TMEM39B: variants seen among roughly 807,000 people sequenced by gnomAD.
TMEM39B encodes transmembrane protein 39B.
TMEM39B carries 23 observed loss-of-function variants against 52.2 expected under a neutral mutation model. The observed-to-expected ratio is 0.44, with a 90% CI of 0.32 to 0.62. TMEM39B has a LOEUF of 0.62. TMEM39B is among the 20% of genes least tolerant of loss of function. The pLI is 0.06. For missense variants in TMEM39B, 547 were observed against 642.0 expected (o/e 0.85, Z 1.60); for synonymous variants, 285 against 264.0 (o/e 1.08, Z -0.77).
chr1:32,084,924 A>G (rs1640277871), intron 5 of TMEM39B, among the ~76,000 whole-genome samples: 1 of 152,072 alleles, frequency 6.6e-6, no homozygotes, highest in Admixed American at 6.6e-5. Context: ...TTATTATTCC[A>G]TTGTCTCTAG....
chr1:32,080,746 C>T (rs191066078), intron 5 of TMEM39B, among the ~76,000 whole-genome samples: 1 of 150,914 alleles, frequency 6.6e-6, no homozygotes, highest in Admixed American at 6.6e-5. Context: ...ATCTTTTCTT[C>T]ATGGATGCAG....
At chr1:32,093,682 G>C (rs1640697658) in intron 6 of TMEM39B, among the ~76,000 whole-genome samples, 1 of 151,432 alleles carries the variant, frequency 6.6e-6, no homozygotes, top group Non-Finnish European at 1.5e-5. Context: ...AAAGTGCTGA[G>C]GTTACAGGCG....
chr1:32,084,364 T>C (rs1640247717), intron 5 of TMEM39B, among the ~76,000 whole-genome samples: 1 of 152,090 alleles, frequency 6.6e-6, no homozygotes, highest in African/African-American at 2.4e-5. Flanking sequence ...GCCTGGGACT[T>C]CCCTTTGCTG....
At chr1:32,077,485 C>T (rs908604276) in intron 5 of TMEM39B, among the ~76,000 whole-genome samples, 167 bp downstream of exon 5, 1 of 152,088 alleles carries the variant, frequency 6.6e-6, no homozygotes, top group Admixed American at 6.6e-5. Flanking sequence ...GATAATTAGC[C>T]TTTTTTTGCA....
chr1:32,078,548 A>G (rs79522249), intron 5 of TMEM39B, among the ~76,000 whole-genome samples: 1,631 of 152,308 alleles, frequency 0.011, 26 homozygotes, highest in African/African-American at 0.037. Flanking sequence ...TTTAACATGG[A>G]AAAAGAAAGT....
intron 3 of TMEM39B, chr1:32,076,309 C>T (rs1199751241): frequency 3.6e-6 from 1 of 279,090 alleles, no homozygotes; most frequent in Non-Finnish European, 7.2e-6. Flanking sequence ...CAGGGTTTCA[C>T]CATGTTGGTC....
chr1:32,076,905 G>T, intron 4 of TMEM39B, 59 bp downstream of exon 4: 1 of 1,574,906 alleles, frequency 6.3e-7, no homozygotes, highest in Non-Finnish European at 8.7e-7. Flanking sequence ...CCCTGGGGAT[G>T]CCAAGGAAAC....
At chr1:32,084,392 C>G (rs1185096452) in intron 5 of TMEM39B, among the ~76,000 whole-genome samples, 1 of 152,076 alleles carries the variant, frequency 6.6e-6, no homozygotes, top group East Asian at 1.9e-4. Flanking sequence ...GGGTTGGACC[C>G]CCTGCTTCCT....
intron 6 of TMEM39B, among the ~76,000 whole-genome samples, chr1:32,094,278 C>T (rs1640729071): frequency 6.6e-6 from 1 of 151,532 alleles, no homozygotes; most frequent in Non-Finnish European, 1.5e-5. Context: ...AGGCACACGC[C>T]ACCACGCCCG....
At position 32,094,725 on chromosome 1, in the gene TMEM39B, G is replaced by T. The variant is rs973884503; in HGVS notation, c.928-59G>T. 7 of 1,585,786 alleles carry T rather than the reference G, an allele frequency of 4.4e-6. No homozygotes were observed. In the African/African-American group the frequency reaches 5.4e-5, roughly 12 times the overall value. On this transcript the variant is annotated intron_variant, in intron 6 of 8. Transcript: ENST00000336294. ...TCTCAGTCAGGTAGAATCAGGGAAG[G>T]AAAGGGAATGAGGCCATTATGGGGA...
chr1:32,102,346 C>T, intron 8 of TMEM39B, 85 bp from the exon 9 acceptor site: 1 of 1,547,992 alleles, frequency 6.5e-7, no homozygotes, highest in Non-Finnish European at 8.7e-7. Context: ...GAGGCTGTCC[C>T]CTTCACTGGC....
At chr1:32,092,513 CAG>C (rs1349283004) in intron 6 of TMEM39B, among the ~76,000 whole-genome samples, 2 of 151,530 alleles carry the variant, frequency 1.3e-5, no homozygotes, top group African/African-American at 2.4e-5. Flanking sequence ...TTTTTTGAGA[CAG>C]AGTCTCATTC....
At chr1:32,084,810 C>T (rs185360177) in intron 5 of TMEM39B, among the ~76,000 whole-genome samples, 208 of 152,254 alleles carry the variant, frequency 1.4e-3, no homozygotes, top group Admixed American at 3.0e-3. Flanking sequence ...TCGTGACCCA[C>T]CCACCTCAGC....
chr1:32,073,650 T>A, intron 1 of TMEM39B: 1 of 985,740 alleles, frequency 1.0e-6, no homozygotes, highest in Non-Finnish European at 1.2e-6. Flanking sequence ...TTGTGTGGGA[T>A]TTTCTAAGCC....
At chr1:32,096,954 C>T (rs1256483397) in intron 7 of TMEM39B, among the ~76,000 whole-genome samples, 1 of 152,082 alleles carries the variant, frequency 6.6e-6, no homozygotes, top group Non-Finnish European at 1.5e-5. Context: ...CAGGCGCATG[C>T]CACCACATCC....
chr1:32,084,662 C>T (rs144661270), intron 5 of TMEM39B, among the ~76,000 whole-genome samples: 63 of 152,116 alleles, frequency 4.1e-4, no homozygotes, highest in African/African-American at 1.4e-3. Context: ...CTCCGCCTCC[C>T]GAGTTCAAGT....
At chr1:32,079,050 G>T (rs188610168) in intron 5 of TMEM39B, among the ~76,000 whole-genome samples, 1 of 151,494 alleles carries the variant, frequency 6.6e-6, no homozygotes, top group Non-Finnish European at 1.5e-5. Context: ...CAATACATAC[G>T]GGTCTGTCTC....
At chr1:32,075,910 C>T in intron 3 of TMEM39B, 88 bp downstream of exon 3, 1 of 909,466 alleles carries the variant, frequency 1.1e-6, no homozygotes, top group South Asian at 1.7e-5. Flanking sequence ...TTCAGTTTAG[C>T]ATATCCTACT....
upstream of TMEM39B, among the ~76,000 whole-genome samples, chr1:32,072,724 T>TG (rs1268734481): frequency 6.6e-6 from 1 of 152,158 alleles, no homozygotes; most frequent in South Asian, 2.1e-4. Flanking sequence ...GTCCAGGAGA[T>TG]GCTGAGAGAA....
Sources: allele counts gnomAD v4.1 joint callset (sites outside exome capture counted in the v4.1 genomes callset), GRCh38; gene constraint gnomAD v4.1.1; transcripts MANE v1.5; gene names NCBI Gene and HGNC (gene_info 2026-07-23, HGNC 2026-07-21).